The following N4BP2L2 variants were observed in gnomAD, a reference collection of about 807,000 sequenced individuals.
The protein encoded by N4BP2L2 is NEDD4 binding protein 2 like 2.
A neutral mutation model predicts 56.2 loss-of-function variants in N4BP2L2; 50 were observed. The observed-to-expected ratio is 0.89, with a 90% CI of 0.71 to 1.13. The LOEUF is 1.13. Ranked by LOEUF, N4BP2L2 falls within the 50% of genes most tolerant of loss-of-function variation. N4BP2L2 has a pLI of 0.00. For synonymous variants in N4BP2L2, 203 were observed against 223.6 expected (o/e 0.91, Z 0.82); for missense variants, 689 against 693.8 (o/e 0.99, Z 0.08).
chr13:32,473,276 C>T (rs867221341), intron 6 of N4BP2L2, among the ~76,000 whole-genome samples: 12 of 145,764 alleles, frequency 8.2e-5, no homozygotes, highest in African/African-American at 1.3e-4. Flanking sequence ...AAGGAGACTC[C>T]GTCTCAAAAA....
intron 6 of N4BP2L2, chr13:32,504,613 T>C (rs2139634805): frequency 6.6e-6 from 1 of 152,286 alleles, no homozygotes; most frequent in South Asian, 2.1e-4. Flanking sequence ...CCTCTAAAAT[T>C]CTGCCATCTG....
intron 6 of N4BP2L2, among the ~76,000 whole-genome samples, chr13:32,485,145 T>C (rs1566107753): frequency 6.6e-6 from 1 of 152,246 alleles, no homozygotes. Context: ...TTCCTTGTTA[T>C]TTTGTTTGTT....
chr13:32,511,433 T>C (rs1371030302), exon 6 of N4BP2L2: 1 of 152,224 alleles, frequency 6.6e-6, no homozygotes, highest in Non-Finnish European at 1.5e-5. Context: ...TTAGCATCCA[T>C]CATCATATAA....
exon 2 of N4BP2L2, chr13:32,536,974 C>A: frequency 6.2e-7 from 1 of 1,608,686 alleles, no homozygotes; most frequent in Non-Finnish European, 8.5e-7. Flanking sequence ...GTGGCTCACT[C>A]GTTACTTCTT....
chr13:32,470,623 C>A (rs1226684222), intron 6 of N4BP2L2, among the ~76,000 whole-genome samples: 6 of 152,206 alleles, frequency 3.9e-5, no homozygotes, highest in Non-Finnish European at 7.3e-5. Context: ...GCTATATATG[C>A]TTCCCTTCAG....
exon 7 of N4BP2L2, chr13:32,443,735 G>A (rs1427214989): frequency 6.4e-7 from 1 of 1,574,392 alleles, no homozygotes. Flanking sequence ...ATTTCATTTG[G>A]CCTCAGTAAC....
At chr13:32,442,405 G>T in exon 7 of N4BP2L2, 2 of 1,592,370 alleles carry the variant, frequency 1.3e-6, no homozygotes, top group Non-Finnish European at 1.7e-6. Context: ...AACGCCTGGA[G>T]ATCCAAAAAG....
rs752467018 is a variant in N4BP2L2 at position 32,443,399 on chromosome 13, C to CA, written c.1092dup (p.Asp365Ter). The CA allele has an allele frequency of 1.2e-6, 2 of 1,613,902 alleles. No individual in the cohort carries two copies. Among genetic ancestry groups the CA allele is most frequent in the African/African-American group, 2.7e-5 (2 of 74,926 alleles). On this transcript the variant is annotated frameshift_variant, in exon 7 of 10. Coordinates refer to the N4BP2L2 transcript ENST00000357505. LOFTEE classifies it high-confidence loss of function. ...CAGCTACCAAAATAGGGCTGTCTGT[C>CA]AGAGCCCAGCTGTAAATCTTCATCA...
In N4BP2L2 at chr13:32,462,641, A is replaced by G. The variant is rs570433556; in HGVS notation, c.366-18515T>C. On this transcript the variant is annotated intron_variant, in intron 6 of 9. Transcript: ENST00000357505. ...TGAAACATTCCCAACACATATAAAT[A>G]AATACTTAAGGTGATGGATACCCTA... is the stretch of plus-strand genomic sequence containing the variant. Among the ~76,000 whole-genome samples the G allele has an allele frequency of 6.6e-5, 10 of 152,240 alleles. No homozygotes were observed. In the South Asian group the frequency reaches 1.2e-3, roughly 19 times the overall value.
In N4BP2L2 at chr13:32,532,889, C is replaced by CTT. The variant is rs35143353; in HGVS notation, c.1259+2878_1259+2879dup. Among the ~76,000 whole-genome samples the CTT allele has an allele frequency of 4.1e-4, 60 of 145,658 alleles. 1 individual carries two copies. Among genetic ancestry groups the CTT allele is most frequent in the African/African-American group, 5.3e-4 (21 of 39,726 alleles). Reference sequence around the variant, plus strand: ...CAGGGGTGAGCCACCGGCACCCGGCCTTTTTTTAAAAAAAAAAAAATAGAG... The same window carrying CTT: ...CAGGGGTGAGCCACCGGCACCCGGCCTTTTTTTTTAAAAAAAAAAAAATAGAG... On this transcript the variant is annotated intron_variant, in intron 2 of 5. Transcript: ENST00000267068.
chr13:32,507,348 T>G (rs2091121726), downstream of N4BP2L2: 1 of 151,958 alleles, frequency 6.6e-6, no homozygotes, highest in South Asian at 2.1e-4. Context: ...GAAAATACAT[T>G]TGGGGGTCAA....
At chr13:32,504,183 A>G (rs2139625202) in intron 6 of N4BP2L2, among the ~76,000 whole-genome samples, 1 of 152,362 alleles carries the variant, frequency 6.6e-6, no homozygotes, top group South Asian at 2.1e-4. Context: ...ACTGCAGAAA[A>G]GAAGGAAATG....
intron 8 of N4BP2L2, among the ~76,000 whole-genome samples, chr13:32,438,018 C>T (rs1361871592): frequency 6.6e-6 from 1 of 151,926 alleles, no homozygotes; most frequent in Non-Finnish European, 1.5e-5. Flanking sequence ...AATAATTGTA[C>T]ATATTTATGA....
At chr13:32,439,738 C>T (rs1593382451) in intron 7 of N4BP2L2, among the ~76,000 whole-genome samples, 3 of 151,390 alleles carry the variant, frequency 2.0e-5, no homozygotes, top group South Asian at 4.2e-4. Flanking sequence ...ATAGGCTGGG[C>T]GTGGTGGCTC....
intron 6 of N4BP2L2, among the ~76,000 whole-genome samples, chr13:32,493,900 C>G (rs1423935629): frequency 6.6e-6 from 1 of 152,224 alleles, no homozygotes; most frequent in South Asian, 2.1e-4. Flanking sequence ...GTCCTGGATG[C>G]TAGTCCTAGT....
At chr13:32,480,537 T>C in intron 6 of N4BP2L2, 1 of 1,031,126 alleles carries the variant, frequency 9.7e-7, no homozygotes, top group Non-Finnish European at 1.3e-6. Flanking sequence ...ATTTTAATCT[T>C]AGAAAATCAG....
intron 7 of N4BP2L2, chr13:32,438,741 T>C: frequency 6.3e-7 from 1 of 1,599,396 alleles, no homozygotes; most frequent in Non-Finnish European, 8.6e-7. Context: ...AAGGATTCTG[T>C]GAAAGAAAGA....
At chr13:32,515,242 G>A (rs1449729600) in exon 6 of N4BP2L2, 2 of 152,014 alleles carry the variant, frequency 1.3e-5, no homozygotes, top group African/African-American at 4.8e-5. Flanking sequence ...GACCAGTTTG[G>A]GAAACAAGGC....
chr13:32,441,690 CATAAATAAATAAATAAATAAATAAATAA>C (rs199951664), intron 7 of N4BP2L2, among the ~76,000 whole-genome samples: 4 of 137,632 alleles, frequency 2.9e-5, no homozygotes, highest in African/African-American at 8.1e-5. Flanking sequence ...CTCTCAAAAA[CATAAATAAATAAATAAATAAATAAATAA>C]ATAAATAAAT....
Sources: gnomAD v4.1 joint callset for allele counts (sites outside exome capture counted in the v4.1 genomes callset) on GRCh38, gnomAD v4.1.1 for gene constraint, MANE v1.5 for transcripts, NCBI Gene and HGNC (gene_info 2026-07-23, HGNC 2026-07-21) for gene names.